The following ADAM28 variants were observed in gnomAD, a reference collection of about 807,000 sequenced individuals.
ADAM28 encodes the protein disintegrin and metalloproteinase domain-containing protein 28.
A neutral mutation model predicts 101.2 loss-of-function variants in ADAM28; 105 were observed. The ratio of observed to expected loss-of-function variants is 1.04; its 90% CI spans 0.89 to 1.22. The LOEUF (loss-of-function observed/expected upper bound fraction) is 1.22. Ranked by LOEUF, ADAM28 falls within the 50% of genes most tolerant of loss-of-function variation. The pLI, the probability that ADAM28 is intolerant of heterozygous loss-of-function variation, is 0.00. For missense variants in ADAM28, 1,028 were observed against 945.4 expected (o/e 1.09, Z -1.15); for synonymous variants, 322 against 310.6 (o/e 1.04, Z -0.39).
At chr8:24,350,338 G>A (rs1265821215) in intron 19 of ADAM28, among the ~76,000 whole-genome samples, 2 of 151,980 alleles carry the variant, frequency 1.3e-5, no homozygotes, top group Non-Finnish European at 1.5e-5. Flanking sequence ...TGAGACAAGA[G>A]TCTCCCTCTG....
chr8:24,335,881 T>C lies in ADAM28; in HGVS notation c.1567+240T>C, dbSNP rs1813972487. The C allele has an allele frequency of 5.8e-6, 7 of 1,217,258 alleles. No individual in the cohort carries two copies. In the African/African-American group the frequency reaches 7.8e-5, roughly 14 times the overall value. The allele number at this position is 1,217,258 out of a possible 1,614,324, so 75.4% of individuals were successfully genotyped here. Reference sequence around the variant, plus strand: ...TAACAAGTTTTTTGTTAATTTTTTGTTTTTTGTCTCAGCATCAGTATATCC... The same window carrying C: ...TAACAAGTTTTTTGTTAATTTTTTGCTTTTTGTCTCAGCATCAGTATATCC... On this transcript the variant is annotated intron_variant, in intron 14 of 22. Coordinates refer to ENST00000265769, the MANE Select transcript of ADAM28 (RefSeq NM_014265.6).
chr8:24,350,407 A>G (rs1420259796), intron 19 of ADAM28, among the ~76,000 whole-genome samples: 7 of 151,942 alleles, frequency 4.6e-5, no homozygotes, highest in Middle Eastern at 3.4e-3. Flanking sequence ...CACACCTCCC[A>G]GTTTCAAGTA....
Position 24,332,713 on chromosome 8 carries a change from T to C in ADAM28, c.1335T>C (p.Phe445=), listed in dbSNP as rs753931335. 7.2e-6 allele frequency: 11 copies of C among 1,522,782 alleles called. No homozygotes were observed. Among genetic ancestry groups the C allele is most frequent in the Non-Finnish European group, 9.8e-6 (11 of 1,126,430 alleles). 94.3% of individuals were successfully genotyped at this position (1,522,782 alleles called of 1,614,324 possible). Residue 445 remains phenylalanine, a synonymous_variant, in exon 13 of 23, where the codon TTT becomes TTC. Coordinates refer to ENST00000265769, the MANE Select transcript of ADAM28 (RefSeq NM_014265.6). The part of the protein sequence containing the change: ...DAKTCKIKAT[F]QCALGECCEK... ...AGACATGTAAAATCAAAGCAACTTT[T>C]CAATGTGCATTAGGAGAATGTTGTG...
At chr8:24,306,354 A>ATATATATATATATATATATATATATATTT (rs1491258585) in intron 2 of ADAM28, among the ~76,000 whole-genome samples, 3 of 117,776 alleles carry the variant, frequency 2.5e-5, no homozygotes, top group African/African-American at 1.1e-4. Flanking sequence ...AAATACAAAT[A>ATATATATATATATATATATATATATATTT]AATAAATAAA....
At chr8:24,304,124 C>T (rs1016357826) in intron 2 of ADAM28, among the ~76,000 whole-genome samples, 7 of 151,198 alleles carry the variant, frequency 4.6e-5, no homozygotes, top group African/African-American at 1.7e-4. Flanking sequence ...TGTTTTTAAT[C>T]ACAGCTGTGA....
At chr8:24,350,871 T>C (rs77930771) in intron 19 of ADAM28, among the ~76,000 whole-genome samples, 1 of 52,394 alleles carries the variant, frequency 1.9e-5, no homozygotes, top group South Asian at 6.1e-4. Flanking sequence ...GGTGTTTTTT[T>C]TTTTTTTTTT....
At position 24,358,891 on chromosome 8, in the gene ADAM28, A is replaced by T. The variant is rs1353669837; in HGVS notation, c.*4487A>T. 1.3e-5 allele frequency: 2 copies of T among 152,224 alleles called. No homozygotes were observed. The highest frequency in any genetic ancestry group is 2.9e-5 in the Non-Finnish European group (2 of 68,032). The allele number at this position is 152,224 out of a possible 1,614,324, so 9.4% of individuals were successfully genotyped here. ...TCTGACATCTCAATATTAAATGACT[A>T]AGATGACTAAGTCGTTTATGTTGCT... On this transcript the variant is annotated 3_prime_UTR_variant, in exon 23 of 23. Coordinates refer to ENST00000265769, the MANE Select transcript of ADAM28 (RefSeq NM_014265.6).
intron 2 of ADAM28, among the ~76,000 whole-genome samples, chr8:24,306,709 T>G (rs1793954924): frequency 6.6e-6 from 1 of 152,166 alleles, no homozygotes; most frequent in South Asian, 2.1e-4. Context: ...AAATATTCTC[T>G]GTTTATCTGA....
rs1563270674 is a variant in ADAM28, at chr8:24,306,377, TATATATATTTAAAA to T, written c.151-3508_151-3495del. ...ATAAATAAATAAATATATATATATA[TATATATATTTAAAA>T]ATATATATATATATGTTCCACACAA... is the stretch of plus-strand genomic sequence containing the variant. On this transcript the variant is annotated intron_variant, in intron 2 of 22. Transcript: ENST00000265769. Among the ~76,000 whole-genome samples, 838 of 138,182 alleles carry T rather than the reference TATATATATTTAAAA, an allele frequency of 6.1e-3. 36 individuals are homozygous for T. Among genetic ancestry groups the T allele is most frequent in the Admixed American group, 0.01 (140 of 13,988 alleles). The allele number at this position is 138,182 out of a possible 152,430, so 90.7% of individuals were successfully genotyped here. A position where few individuals can be genotyped will look rare whatever the true frequency, so the allele number is the denominator to read the frequency against.
At position 24,351,316 on chromosome 8, in the gene ADAM28, C is replaced by T; in HGVS notation, c.2178+6C>T. 1.2e-6 allele frequency: 2 copies of T among 1,612,760 alleles called. No individual in the cohort carries two copies. The highest frequency in any genetic ancestry group is 2.2e-5 in the South Asian group (2 of 91,062). On this transcript the variant is annotated splice_donor_region_variant and intron_variant, in intron 20 of 22. Coordinates refer to ENST00000265769, the MANE Select transcript of ADAM28 (RefSeq NM_014265.6). ...AGGCTGTTCAACCCCAAGAGGTGAA[C>T]TATATAGTCTGGGCTGTGATTACCA...
chr8:24,294,247 CAT>C (rs1807665564), intron 1 of ADAM28, 52 bp downstream of exon 1: 1 of 1,566,960 alleles, frequency 6.4e-7, no homozygotes, highest in East Asian at 2.2e-5. Context: ...GCGAACTTTT[CAT>C]AGTCTCCTAA....
Position 24,358,521 on chromosome 8 carries a change from G to T in ADAM28, c.*4117G>T, listed in dbSNP as rs571357536. 1 of 152,296 alleles carries T rather than the reference G, an allele frequency of 6.6e-6. No individual in the cohort carries two copies. Among genetic ancestry groups the T allele is most frequent in the Admixed American group, 6.5e-5 (1 of 15,296 alleles). 9.4% of individuals were successfully genotyped at this position (152,296 alleles called of 1,614,324 possible). A position where few individuals can be genotyped will look rare whatever the true frequency, so the allele number is the denominator to read the frequency against. The stretch of plus-strand genomic sequence containing the variant: ...AGATACTGAGCTCCACCTTGTCAGG[G>T]AAGATCCCAACTCAGGAGAAAACAC... On this transcript the variant is annotated 3_prime_UTR_variant, in exon 23 of 23. Transcript: ENST00000265769.
rs368921293 is a variant in ADAM28, at chr8:24,324,021, C to G, written c.890+18C>G. On this transcript the variant is annotated intron_variant, in intron 9 of 22. Coordinates refer to ENST00000265769, the MANE Select transcript of ADAM28 (RefSeq NM_014265.6). ...TTAATCACGTATGTACAGATTTTCT[C>G]CCATTGCACACTATGTGGTATTTAG... 1.9e-5 allele frequency: 30 copies of G among 1,609,068 alleles called. No individual in the cohort carries two copies. The highest frequency in any genetic ancestry group is 2.5e-5 in the Non-Finnish European group (29 of 1,177,090).
chr8:24,348,354 C>G (rs958978105), intron 18 of ADAM28, among the ~76,000 whole-genome samples: 2 of 152,150 alleles, frequency 1.3e-5, no homozygotes, highest in Non-Finnish European at 2.9e-5. Flanking sequence ...TCAACATCCC[C>G]CATTCTCGTG....
chr8:24,330,427 A>G (rs1478132884), intron 11 of ADAM28, among the ~76,000 whole-genome samples: 1 of 152,182 alleles, frequency 6.6e-6, no homozygotes, highest in African/African-American at 2.4e-5. Context: ...GTCAGAAAAG[A>G]GTTCTAGAAT....
intron 16 of ADAM28, among the ~76,000 whole-genome samples, 176 bp downstream of exon 16, chr8:24,341,933 C>A (rs75191257): frequency 0.014 from 2,106 of 152,206 alleles, 48 homozygotes; most frequent in African/African-American, 0.048. Context: ...GGCGCAGAAC[C>A]TAGTAAATAG....
At chr8:24,341,947 G>C (rs1814825398) in intron 16 of ADAM28, among the ~76,000 whole-genome samples, 190 bp downstream of exon 16, 1 of 152,088 alleles carries the variant, frequency 6.6e-6, no homozygotes, top group Non-Finnish European at 1.5e-5. Flanking sequence ...TAAATAGCAG[G>C]AATAAGCACT....
chr8:24,336,255 G>A (rs531271329), intron 14 of ADAM28: 2 of 838,932 alleles, frequency 2.4e-6, no homozygotes, highest in East Asian at 1.2e-4. Context: ...AGTTTAAAGA[G>A]ATATCCGAAA....
chr8:24,307,884 G>T (rs1397112099), intron 2 of ADAM28, among the ~76,000 whole-genome samples: 2 of 152,152 alleles, frequency 1.3e-5, no homozygotes, highest in African/African-American at 4.8e-5. Context: ...ATTTAGCAGG[G>T]TTTCTAGAGC....
Sources: allele counts gnomAD v4.1 joint callset (sites outside exome capture counted in the v4.1 genomes callset), GRCh38; gene constraint gnomAD v4.1.1; transcripts MANE v1.5; gene names NCBI Gene and HGNC (gene_info 2026-07-23, HGNC 2026-07-21).